The following NCAM1 variants were observed in gnomAD, a reference collection of about 807,000 sequenced individuals.
NCAM1 encodes the protein neural cell adhesion molecule 1.
NCAM1 carries 14 observed loss-of-function variants against 109.8 expected under a neutral mutation model. The observed-to-expected ratio is 0.13, with a 90% confidence interval of 0.08 to 0.20. The LOEUF (loss-of-function observed/expected upper bound fraction) is 0.20. Ranked by LOEUF, NCAM1 falls within the 10% of genes least tolerant of loss-of-function variation. The probability of loss-of-function intolerance (pLI) is 1.00; values close to 1 mark genes in which losing one functional copy is unlikely to be tolerated. For synonymous variants in NCAM1, 418 were observed against 442.9 expected (o/e 0.94, Z 0.70); for missense variants, 774 against 1,109.9 (o/e 0.70, Z 4.30).
At chr11:113,167,527 T>G (rs1555105467) in intron 1 of NCAM1, among the ~76,000 whole-genome samples, 1 of 61,106 alleles carries the variant, frequency 1.6e-5, no homozygotes, top group Non-Finnish European at 3.0e-5. Flanking sequence ...AGAAACGTGT[T>G]TTTTTTTTTT....
chr11:113,223,055 T>C (rs1357990105), intron 9 of NCAM1, among the ~76,000 whole-genome samples: 1 of 152,208 alleles, frequency 6.6e-6, no homozygotes. Flanking sequence ...AACATTTTGA[T>C]GAGAAGAATA....
chr11:113,251,081 G>A lies in NCAM1; in HGVS notation c.1828+4711G>A, dbSNP rs187996693. ...CTCCCAAAGTGCTGGGATTACAGGC[G>A]TGAGCCATTGTGCCCAGCCCCAGAT... On this transcript the variant is annotated intron_variant, in intron 15 of 19. Coordinates refer to ENST00000316851, the MANE Select transcript of NCAM1 (RefSeq NM_181351.5). Among the ~76,000 whole-genome samples the A allele has an allele frequency of 1.9e-3, 296 of 152,334 alleles. 4 individuals are homozygous for A. The East Asian group carries it at 0.038, about 20-fold the overall frequency.
chr11:113,086,217 C>T (rs1242428308), intron 1 of NCAM1, among the ~76,000 whole-genome samples: 2 of 152,228 alleles, frequency 1.3e-5, no homozygotes, highest in African/African-American at 4.8e-5. Context: ...TGTGATGTAG[C>T]TGTGAACAAG....
intron 1 of NCAM1, among the ~76,000 whole-genome samples, chr11:113,079,665 T>TTA (rs1336808040): frequency 1.5e-4 from 23 of 152,232 alleles, no homozygotes; most frequent in Non-Finnish European, 3.4e-4. Flanking sequence ...AATAAATCCA[T>TTA]TATAGTTTTT....
At chr11:113,036,693 TTA>T (rs1952899632) in intron 1 of NCAM1, among the ~76,000 whole-genome samples, 1 of 152,178 alleles carries the variant, frequency 6.6e-6, no homozygotes. Flanking sequence ...CCCTTTGCTA[TTA>T]TCATAATTCT....
chr11:113,192,526 G>A (rs1555110061), intron 1 of NCAM1, among the ~76,000 whole-genome samples: 1 of 152,190 alleles, frequency 6.6e-6, no homozygotes, highest in Admixed American at 6.5e-5. Flanking sequence ...CACAGGACTA[G>A]CAGAGCACAC....
At chr11:113,155,930 A>C (rs1942396329) in intron 1 of NCAM1, among the ~76,000 whole-genome samples, 1 of 152,010 alleles carries the variant, frequency 6.6e-6, no homozygotes, top group African/African-American at 2.4e-5. Flanking sequence ...CTGTCTCCAC[A>C]TTCATGATCA....
At position 113,214,257 on chromosome 11, in the gene NCAM1, A is replaced by C. The variant is rs1944464577; in HGVS notation, c.917-112A>C. The C allele has an allele frequency of 6.3e-6, 7 of 1,115,490 alleles. No homozygotes were observed. The South Asian group carries it at 1.1e-4, about 18-fold the overall frequency. The allele number at this position is 1,115,490 out of a possible 1,614,324, so 69.1% of individuals were successfully genotyped here. On this transcript the variant is annotated intron_variant, in intron 7 of 19. Transcript: ENST00000316851. ...CTGCATCTCCTAAAACACCTAGACTAGGGTCTTGTACTTAGCAGACAGCTA... is the reference window on the plus strand; with the variant it reads ...CTGCATCTCCTAAAACACCTAGACTCGGGTCTTGTACTTAGCAGACAGCTA...
chr11:113,116,041 C>G (rs1337973684), intron 1 of NCAM1, among the ~76,000 whole-genome samples: 1 of 152,088 alleles, frequency 6.6e-6, no homozygotes, highest in Non-Finnish European at 1.5e-5. Flanking sequence ...ACGGCAAATA[C>G]AAAAATCTAG....
chr11:113,080,950 T>C (rs1555087052), intron 1 of NCAM1, among the ~76,000 whole-genome samples: 1 of 152,242 alleles, frequency 6.6e-6, no homozygotes, highest in Non-Finnish European at 1.5e-5. Context: ...ATAAGCACCA[T>C]ACTTGTGTTG....
intron 1 of NCAM1, among the ~76,000 whole-genome samples, chr11:113,041,925 G>A (rs181840935): frequency 1.5e-3 from 234 of 152,240 alleles, no homozygotes; most frequent in African/African-American, 5.5e-3. Context: ...AGTCCCCTCA[G>A]CTTTTCTCTT....
chr11:112,994,728 G>A (rs2134877360), intron 1 of NCAM1, among the ~76,000 whole-genome samples: 1 of 152,248 alleles, frequency 6.6e-6, no homozygotes, highest in Non-Finnish European at 1.5e-5. Context: ...TTTCTGCAGG[G>A]CAGGTCAGCT....
At chr11:113,127,755 C>T (rs1393999968) in intron 1 of NCAM1, among the ~76,000 whole-genome samples, 2 of 152,228 alleles carry the variant, frequency 1.3e-5, no homozygotes, top group Non-Finnish European at 2.9e-5. Context: ...GACAGCTGCT[C>T]AGCAGCGTCC....
At chr11:113,202,508 T>G (rs1156587518) in intron 2 of NCAM1, 55 bp downstream of exon 2, 31 of 1,505,448 alleles carry the variant, frequency 2.1e-5, no homozygotes, top group Admixed American at 1.6e-4. Context: ...ACTCACTGGG[T>G]AGAGCAGGAG....
chr11:113,070,277 G>A (rs185208676), intron 1 of NCAM1, among the ~76,000 whole-genome samples: 1 of 152,248 alleles, frequency 6.6e-6, no homozygotes, highest in East Asian at 1.9e-4. Flanking sequence ...TAGCCAGGGA[G>A]GTGAAAGAAA....
chr11:113,062,254 C>T (rs1425236418), intron 1 of NCAM1, among the ~76,000 whole-genome samples: 1 of 152,200 alleles, frequency 6.6e-6, no homozygotes, highest in Non-Finnish European at 1.5e-5. Context: ...ACTGTCCATT[C>T]TTCCTTTCTC....
chr11:113,175,197 A>G (rs1943108889), intron 1 of NCAM1, among the ~76,000 whole-genome samples: 1 of 152,244 alleles, frequency 6.6e-6, no homozygotes, highest in South Asian at 2.1e-4. Flanking sequence ...GAGGTCTCTA[A>G]TGCAACACGA....
chr11:113,183,711 C>T (rs1555108375), intron 1 of NCAM1, among the ~76,000 whole-genome samples: 2 of 152,172 alleles, frequency 1.3e-5, no homozygotes, highest in South Asian at 2.1e-4. Context: ...CTAGAACTCG[C>T]ATGTCCAGGG....
chr11:113,224,729 A>G (rs1324669732), intron 9 of NCAM1, among the ~76,000 whole-genome samples: 2 of 152,224 alleles, frequency 1.3e-5, no homozygotes, highest in Non-Finnish European at 2.9e-5. Flanking sequence ...CCCCTCTGAG[A>G]CAAAATTTCC....
Sources: gnomAD v4.1 joint callset for allele counts (sites outside exome capture counted in the v4.1 genomes callset) on GRCh38, gnomAD v4.1.1 for gene constraint, MANE v1.5 for transcripts, NCBI Gene and HGNC (gene_info 2026-07-23, HGNC 2026-07-21) for gene names.